The following SLC24A2 variants were observed in gnomAD, a reference collection of about 807,000 sequenced individuals.
SLC24A2 encodes the protein solute carrier family 24 member 2.
Under a neutral mutation model 62.0 loss-of-function variants are expected in SLC24A2, and 36 were observed. The observed-to-expected ratio is 0.58, with a 90% confidence interval of 0.44 to 0.77. SLC24A2 has a LOEUF of 0.77. Ranked by LOEUF, SLC24A2 falls within the 30% of genes least tolerant of loss-of-function variation. SLC24A2 has a pLI of 0.00. For missense variants in SLC24A2, 846 were observed against 817.9 expected, an observed-to-expected ratio of 1.03 and a Z score of -0.42; for synonymous variants, 358 against 294.0, an observed-to-expected ratio of 1.22 and a Z score of -2.23.
At chr9:19,875,979 G>A in the SLC24A2 span, among the ~76,000 whole-genome samples, 10 of 152,058 alleles carry the variant, frequency 6.6e-5, no homozygotes, top group Non-Finnish European at 5.9e-5. Context: ...TTAATGTTTG[G>A]GAAAAATGCA....
At chr9:19,921,197 C>T in the SLC24A2 span, among the ~76,000 whole-genome samples, 1 of 151,834 alleles carries the variant, frequency 6.6e-6, no homozygotes, top group Non-Finnish European at 1.5e-5. Flanking sequence ...ATTTAATGAC[C>T]TTTCTATAGT....
the SLC24A2 span, among the ~76,000 whole-genome samples, chr9:20,265,149 A>G: frequency 6.6e-6 from 1 of 152,264 alleles, no homozygotes; most frequent in Admixed American, 6.5e-5. Context: ...GCACTTCTGG[A>G]GCCTTCCTCA....
the SLC24A2 span, among the ~76,000 whole-genome samples, chr9:20,171,448 A>T: frequency 2.2e-4 from 34 of 152,054 alleles, no homozygotes; most frequent in African/African-American, 7.7e-4. Flanking sequence ...TTCACCAACC[A>T]TCTGTCTGCT....
chr9:20,071,552 G>A, the SLC24A2 span, among the ~76,000 whole-genome samples: 90 of 152,288 alleles, frequency 5.9e-4, 1 homozygote, highest in East Asian at 0.016. Flanking sequence ...ATGTGTCCAT[G>A]TTCTAATCCT....
intron 5 of SLC24A2, 81 bp downstream of exon 5, chr9:19,597,148 A>G (rs1413455026): frequency 9.6e-6 from 9 of 936,614 alleles, no homozygotes; most frequent in Non-Finnish European, 1.6e-5. Context: ...CAGAGAGGAA[A>G]AAAAAGAATA....
chr9:19,763,471 A>C (rs1822410485), intron 2 of SLC24A2, among the ~76,000 whole-genome samples: 1 of 152,166 alleles, frequency 6.6e-6, no homozygotes, highest in Non-Finnish European at 1.5e-5. Flanking sequence ...AATAGCTCTT[A>C]TTATTTTGAG....
the SLC24A2 span, among the ~76,000 whole-genome samples, chr9:19,971,470 G>T: frequency 6.6e-6 from 1 of 152,166 alleles, no homozygotes; most frequent in East Asian, 1.9e-4. Context: ...AGACAGACTG[G>T]TAGGCCTGTA....
At chr9:20,191,509 A>C in the SLC24A2 span, among the ~76,000 whole-genome samples, 1 of 151,530 alleles carries the variant, frequency 6.6e-6, no homozygotes, top group Admixed American at 6.6e-5. Context: ...CTAGTCCAGA[A>C]AGCATTCCGA....
At chr9:20,026,309 A>C in the SLC24A2 span, among the ~76,000 whole-genome samples, 2 of 152,236 alleles carry the variant, frequency 1.3e-5, no homozygotes, top group African/African-American at 4.8e-5. Flanking sequence ...TCCAGCCTAC[A>C]GGCCAGATTT....
chr9:20,163,658 G>T, the SLC24A2 span, among the ~76,000 whole-genome samples: 2 of 152,112 alleles, frequency 1.3e-5, no homozygotes, highest in Non-Finnish European at 2.9e-5. Context: ...AACCACAAAA[G>T]AGCCCGCATC....
intron 5 of SLC24A2, among the ~76,000 whole-genome samples, chr9:19,588,884 C>T (rs561039160): frequency 2.1e-4 from 32 of 152,316 alleles, no homozygotes; most frequent in African/African-American, 7.7e-4. Flanking sequence ...TCGCTGGAAC[C>T]TGGGAGGCGG....
the SLC24A2 span, among the ~76,000 whole-genome samples, chr9:19,895,517 C>G: frequency 6.8e-6 from 1 of 146,710 alleles, no homozygotes; most frequent in East Asian, 2.0e-4. Context: ...CTAACACATT[C>G]CCCTGCCCTT....
At chr9:20,292,680 T>C in the SLC24A2 span, among the ~76,000 whole-genome samples, 1 of 152,232 alleles carries the variant, frequency 6.6e-6, no homozygotes, top group African/African-American at 2.4e-5. Context: ...AACAGCTCAC[T>C]GCAACCTTGA....
At chr9:20,233,179 G>A in the SLC24A2 span, among the ~76,000 whole-genome samples, 521 of 152,290 alleles carry the variant, frequency 3.4e-3, 1 homozygote, top group African/African-American at 0.011. Flanking sequence ...GTGTGGTGTG[G>A]TGCTGAAAAG....
the SLC24A2 span, among the ~76,000 whole-genome samples, chr9:20,214,030 G>C: frequency 6.6e-6 from 1 of 152,182 alleles, no homozygotes; most frequent in Non-Finnish European, 1.5e-5. Flanking sequence ...ATTGTCGTGA[G>C]TGGCAGAATT....
the SLC24A2 span, among the ~76,000 whole-genome samples, chr9:20,167,663 A>G: frequency 1.3e-5 from 2 of 151,986 alleles, no homozygotes; most frequent in Non-Finnish European, 2.9e-5. Context: ...TGAGACTAGA[A>G]CATCTTGTTG....
chr9:19,769,849 T>C (rs1822631897), intron 2 of SLC24A2, among the ~76,000 whole-genome samples: 1 of 152,036 alleles, frequency 6.6e-6, no homozygotes, highest in African/African-American at 2.4e-5. Context: ...CCTACAGGTC[T>C]GTCTACACTT....
chr9:20,244,192 A>G, the SLC24A2 span, among the ~76,000 whole-genome samples: 33 of 152,330 alleles, frequency 2.2e-4, no homozygotes, highest in African/African-American at 7.5e-4. Flanking sequence ...AACTCAGATA[A>G]AAAAGAAAAG....
chr9:19,829,662 T>C, the SLC24A2 span, among the ~76,000 whole-genome samples: 4 of 151,440 alleles, frequency 2.6e-5, no homozygotes, highest in Admixed American at 6.6e-5. Flanking sequence ...GCCCAAGAGT[T>C]AGAGGCTGCA....
Sources: allele counts gnomAD v4.1 joint callset (sites outside exome capture counted in the v4.1 genomes callset), GRCh38; gene constraint gnomAD v4.1.1; transcripts MANE v1.5; gene names NCBI Gene and HGNC (gene_info 2026-07-23, HGNC 2026-07-21).